Variants in KMT2A observed in about 807,000 individuals in gnomAD.
KMT2A encodes histone-lysine N-methyltransferase 2A.
KMT2A carries 16 observed loss-of-function variants against 345.3 expected under a neutral mutation model. That is an observed-to-expected ratio of 0.05 (90% CI 0.03 to 0.07). The LOEUF is 0.07. KMT2A is among the 10% of genes least tolerant of loss of function. KMT2A has a pLI of 1.00. For synonymous variants in KMT2A, 1,599 were observed against 1,778.6 expected, an observed-to-expected ratio of 0.90 and a Z score of 2.54; for missense variants, 3,272 against 4,841.6, an observed-to-expected ratio of 0.68 and a Z score of 9.62.
intron 1 of KMT2A, among the ~76,000 whole-genome samples, chr11:118,463,108 T>G (rs1183091534): frequency 6.6e-6 from 1 of 152,046 alleles, no homozygotes; most frequent in Non-Finnish European, 1.5e-5. Context: ...AGTGTGTATC[T>G]CTTACATTTA....
chr11:118,459,776 C>G (rs1421079945), intron 1 of KMT2A, among the ~76,000 whole-genome samples: 1 of 150,882 alleles, frequency 6.6e-6, no homozygotes, highest in Non-Finnish European at 1.5e-5. Context: ...CAACCCCCCG[C>G]CCCGGGTTCA....
intron 24 of KMT2A, among the ~76,000 whole-genome samples, chr11:118,500,493 C>CATTT (rs1263031423): frequency 6.6e-6 from 1 of 152,206 alleles, no homozygotes; most frequent in East Asian, 1.9e-4. Flanking sequence ...CTGTGCTCCA[C>CATTT]ATTTAGCTGG....
intron 2 of KMT2A, among the ~76,000 whole-genome samples, chr11:118,469,078 T>C (rs1406986165): frequency 3.3e-5 from 5 of 152,144 alleles, no homozygotes; most frequent in Non-Finnish European, 5.9e-5. Flanking sequence ...GCCATGCTGG[T>C]GCGCTGCACC....
At chr11:118,458,247 A>C (rs1033607330) in intron 1 of KMT2A, 1 of 277,698 alleles carries the variant, frequency 3.6e-6, no homozygotes, top group East Asian at 1.3e-4. Flanking sequence ...CACCCAGTTA[A>C]TTTTTTCTAT....
At chr11:118,488,859 A>G in intron 11 of KMT2A, 99 bp downstream of exon 11, 1 of 1,082,780 alleles carries the variant, frequency 9.2e-7, no homozygotes, top group Non-Finnish European at 1.3e-6. Context: ...TCTGGGAAAA[A>G]ATGAGTAGTT....
intron 1 of KMT2A, chr11:118,449,293 C>G (rs192792879): frequency 4.0e-4 from 60 of 151,306 alleles, no homozygotes; most frequent in African/African-American, 1.4e-3. Flanking sequence ...CACAGTGGCT[C>G]ACAACTGTAA....
intron 1 of KMT2A, among the ~76,000 whole-genome samples, chr11:118,462,190 G>A (rs1949757017): frequency 6.6e-6 from 1 of 152,092 alleles, no homozygotes; most frequent in Non-Finnish European, 1.5e-5. Context: ...CTGGCCTCAG[G>A]TGACCCACCC....
At chr11:118,466,305 G>C (rs957501333) in intron 1 of KMT2A, among the ~76,000 whole-genome samples, 1 of 152,138 alleles carries the variant, frequency 6.6e-6, no homozygotes, top group Non-Finnish European at 1.5e-5. Flanking sequence ...AGTACAGCCT[G>C]AGTGACAGAG....
At chr11:118,517,009 T>C (rs1376694951) in intron 31 of KMT2A, among the ~76,000 whole-genome samples, 1 of 152,222 alleles carries the variant, frequency 6.6e-6, no homozygotes, top group Non-Finnish European at 1.5e-5. Context: ...GTATGTAGTA[T>C]GTTTTTCAAT....
At position 118,494,578 on chromosome 11, in the gene KMT2A, T is replaced by A. The variant is rs1950375189; in HGVS notation, c.5290-116T>A. 2.0e-6 allele frequency: 2 copies of A among 995,600 alleles called. No homozygotes were observed. Among genetic ancestry groups the A allele is most frequent in the East Asian group, 5.2e-5 (2 of 38,508 alleles). 61.7% of individuals were successfully genotyped at this position (995,600 alleles called of 1,614,324 possible). A position where few individuals can be genotyped will look rare whatever the true frequency, so the allele number is the denominator to read the frequency against. On this transcript the variant is annotated intron_variant, in intron 17 of 35. Coordinates refer to ENST00000534358, the MANE Select transcript of KMT2A (RefSeq NM_001197104.2). This position sits in a 1 kb window ranked among gnomAD's most constrained non-coding sequence, Gnocchi z 5.8. ...TGAGGTTGCCAGAGTGGATGGATCT[T>A]TCTCTTGGTGGCCTGAAATTATCCT...
rs1064796776 is a variant in KMT2A at position 118,494,755 on chromosome 11, A to G, written c.5351A>G (p.Lys1784Arg). The change falls in exon 18 of 36, where the codon AAA becomes AGA. Residue 1784 changes from lysine (K) to arginine (R), a missense_variant. Lys to Arg is a conservative substitution (Grantham distance 26, BLOSUM62 2). This residue lies in a region of KMT2A where 235 missense variants were observed against 503.4 expected (regional missense o/e 0.47). Coordinates refer to ENST00000534358, the MANE Select transcript of KMT2A (RefSeq NM_001197104.2). The surrounding 1 kb of genome is among the most constrained non-coding windows in gnomAD (Gnocchi z 5.8). ...AAGTCCAGGTTTTGGGAGCCAAATA[A>G]AGTATCAAGCAAGTAAGTGAATTTA... ...VKKSRFWEPN[K>R]VSSNSGMLPN... 2 of 1,613,616 alleles carry G rather than the reference A, an allele frequency of 1.2e-6. No individual in the cohort carries two copies. The highest frequency in any genetic ancestry group is 4.5e-5 in the East Asian group (2 of 44,860).
In KMT2A at chr11:118,522,112, T is replaced by A; in HGVS notation, c.11859T>A (p.Asp3953Glu). 1 of 1,614,232 alleles carries A rather than the reference T, an allele frequency of 6.2e-7. No homozygotes were observed. Among genetic ancestry groups the A allele is most frequent in the African/African-American group, 1.3e-5 (1 of 75,072 alleles). Residue 3953 changes from aspartate to glutamate, a missense_variant, in exon 36 of 36, where the codon GAT (aspartate) becomes GAA (glutamate). Physicochemically the swap from Asp to Glu is conservative, Grantham distance 45 (BLOSUM62 2). Around this residue, in one of 27 missense-constraint regions of KMT2A, gnomAD observed 78 missense variants for 254.5 expected, o/e 0.31. Transcript: ENST00000534358. The surrounding 1 kb of genome is among the most constrained non-coding windows in gnomAD (Gnocchi z 5.4). ...ACGACTATAAGTTCCCCATTGAGGA[T>A]GCCAGCAACAAGCTGCCCTGCAACT... is the stretch of plus-strand genomic sequence containing the variant. ...LTYDYKFPIE[D>E]ASNKLPCNCG...
In KMT2A at chr11:118,505,277, G is replaced by A. The variant is rs1353151956; in HGVS notation, c.9385G>A (p.Gly3129Arg). The part of the protein sequence containing the change: ...ETNTSVLGPM[G>R]GGLTLTTGLN... ...AAATACTTCAGTATTGGGACCCATG[G>A]GAGGTGGTCTCACCCTTACCACAGG... The change falls in exon 27 of 36, where the codon GGA becomes AGA. Residue 3129 changes from glycine (G) to arginine (R), a missense_variant. Coordinates refer to ENST00000534358, the MANE Select transcript of KMT2A (RefSeq NM_001197104.2). The surrounding 1 kb of genome is among the most constrained non-coding windows in gnomAD (Gnocchi z 4.6). 2.5e-6 allele frequency: 4 copies of A among 1,614,032 alleles called. No individual in the cohort carries two copies. The highest frequency in any genetic ancestry group is 3.4e-6 in the Non-Finnish European group (4 of 1,180,034).
Position 118,523,575 on chromosome 11 carries a change from A to G in KMT2A, c.*1403A>G, listed in dbSNP as rs1417562034. On this transcript the variant is annotated 3_prime_UTR_variant, in exon 36 of 36. Coordinates refer to ENST00000534358, the MANE Select transcript of KMT2A (RefSeq NM_001197104.2). Reference sequence around the variant, plus strand: ...TATTTAAGGTTTTATAAATGTAAATATATTTTGTATATTTTTCTATGAGAA... The same window carrying G: ...TATTTAAGGTTTTATAAATGTAAATGTATTTTGTATATTTTTCTATGAGAA... The G allele has an allele frequency of 4.4e-6, 1 of 226,148 alleles. No individual in the cohort carries two copies. Among genetic ancestry groups the G allele is most frequent in the Non-Finnish European group, 8.8e-6 (1 of 113,464 alleles). 14.0% of individuals were successfully genotyped at this position (226,148 alleles called of 1,614,324 possible).
chr11:118,519,620 G>A lies in KMT2A; in HGVS notation c.11149G>A (p.Val3717Ile), dbSNP rs9332859. The change falls in exon 32 of 36, where the codon GTT becomes ATT. Residue 3717 changes from valine (V) to isoleucine (I), a missense_variant and splice_region_variant. Around this residue, in one of 27 missense-constraint regions of KMT2A, gnomAD observed 72 missense variants for 135.6 expected, o/e 0.53. Transcript: ENST00000534358. ...ARLKQLSFAG[V>I]NGLRMLGILH... is the part of the protein sequence containing the mutation. ...CCTGGTGCTTCTGATTCTTCTAGGT[G>A]TTAACGGTTTGAGGATGCTGGGGAT... is the stretch of plus-strand genomic sequence containing the variant. 3 of 1,611,704 alleles carry A rather than the reference G, an allele frequency of 1.9e-6. No homozygotes were observed. Among genetic ancestry groups the A allele is most frequent in the Admixed American group, 1.7e-5 (1 of 59,976 alleles).
Position 118,498,092 on chromosome 11 carries a change from AT to A in KMT2A, c.5802+23del. 6.2e-7 allele frequency: 1 copy of A among 1,608,750 alleles called. No individual in the cohort carries two copies. The highest frequency in any genetic ancestry group is 8.5e-7 in the Non-Finnish European group (1 of 1,177,390). On this transcript the variant is annotated intron_variant, in intron 21 of 35. Coordinates refer to ENST00000534358, the MANE Select transcript of KMT2A (RefSeq NM_001197104.2). The surrounding 1 kb of genome is among the most constrained non-coding windows in gnomAD (Gnocchi z 4.4). The stretch of plus-strand genomic sequence containing the variant: ...GCAGCTGGTAAGACCTTATGGGTAA[AT>A]TTTATGAAAGAGATTCCCTCTCAGT...
In KMT2A at chr11:118,471,834, T is replaced by A; in HGVS notation, c.675T>A (p.Pro225=). ...SKSIEKKRGR[P]PTFPGVKIKI... is the part of the protein sequence containing the mutation. ...GTATAGAAAAGAAGAGAGGAAGACC[T>A]CCCACCTTCCCTGGAGTAAAAATCA... The change falls in exon 3 of 36, where the codon CCT becomes CCA. Residue 225 remains proline, a synonymous_variant. Transcript: ENST00000534358. 6.2e-7 allele frequency: 1 copy of A among 1,612,306 alleles called. No homozygotes were observed. The highest frequency in any genetic ancestry group is 8.5e-7 in the Non-Finnish European group (1 of 1,179,430).
At position 118,503,317 on chromosome 11, in the gene KMT2A, G is replaced by C. The variant is rs1359749720; in HGVS notation, c.7425G>C (p.Glu2475Asp). 1.2e-6 allele frequency: 2 copies of C among 1,614,108 alleles called. No individual in the cohort carries two copies. The highest frequency in any genetic ancestry group is 1.1e-5 in the South Asian group (1 of 91,080). The change falls in exon 27 of 36, where the codon GAG becomes GAC. Residue 2475 changes from glutamate to aspartate, a missense_variant. This residue lies in a region of KMT2A where 445 missense variants were observed against 500.9 expected (regional missense o/e 0.89). Transcript: ENST00000534358. The surrounding 1 kb of genome is among the most constrained non-coding windows in gnomAD (Gnocchi z 5.3). ...PEFMDEVLTP[E>D]YMGQRPCNNV... ...TTATGGATGAGGTTTTGACTCCTGA[G>C]TATATGGGCCAACGACCATGTAACA... is the stretch of plus-strand genomic sequence containing the variant.
intron 1 of KMT2A, among the ~76,000 whole-genome samples, chr11:118,443,307 TA>T (rs1468370498): frequency 6.6e-6 from 1 of 152,192 alleles, no homozygotes; most frequent in Non-Finnish European, 1.5e-5. Flanking sequence ...TGACTTCCCA[TA>T]AAATGGTTCT....
Sources: gnomAD v4.1 joint callset for allele counts (sites outside exome capture counted in the v4.1 genomes callset) on GRCh38, gnomAD v4.1.1 for gene constraint, gnomAD v4.1.1 regional missense constraint, Gnocchi (gnomAD v3.1) non-coding constraint, MANE v1.5 for transcripts, NCBI Gene and HGNC (gene_info 2026-07-23, HGNC 2026-07-21) for gene names.